Variants in RMDN1 observed in about 807,000 individuals in gnomAD.
The protein encoded by RMDN1 is regulator of microtubule dynamics protein 1.
In RMDN1, 48 loss-of-function variants were observed where a neutral mutation model predicts 48.9. The observed-to-expected ratio is 0.98, with a 90% CI of 0.78 to 1.25. The LOEUF is 1.25. RMDN1 is among the 50% of genes most tolerant of loss of function. The pLI is 0.00. For missense variants in RMDN1, 418 were observed against 373.4 expected (o/e 1.12, Z -0.98); for synonymous variants, 148 against 132.6 (o/e 1.12, Z -0.80).
chr8:86,470,051 T>G (rs1205076226), downstream of RMDN1: 2 of 571,090 alleles, frequency 3.5e-6, no homozygotes, highest in East Asian at 1.4e-4. Context: ...TTGAGATAAC[T>G]TGGCCATCAA....
downstream of RMDN1, among the ~76,000 whole-genome samples, chr8:86,470,885 G>T (rs1430051644): frequency 6.6e-6 from 1 of 152,164 alleles, no homozygotes; most frequent in Admixed American, 6.5e-5. Flanking sequence ...GGAGGAGGTA[G>T]ATGGGTGTGA....
rs1026914855 is a variant in RMDN1 at position 86,508,605 on chromosome 8, G to C, written c.16C>G (p.Arg6Gly). The change falls in exon 1 of 10, where the codon CGA (arginine) becomes GGA (glycine). Residue 6 changes from arginine (R) to glycine (G), a missense_variant. Arg to Gly is a moderately radical substitution (Grantham distance 125, BLOSUM62 -2). Coordinates refer to ENST00000406452, the MANE Select transcript of RMDN1 (RefSeq NM_016033.3). MALAA[R>G]LWRLLPFRRG... is the part of the protein sequence containing the mutation. ...CGGAAAGGCAGAAGGCGCCACAGTC[G>C]AGCAGCCAGCGCCATGACCTGCAAC... is the stretch of plus-strand genomic sequence containing the variant. The C allele has an allele frequency of 6.2e-7, 1 of 1,603,598 alleles. No homozygotes were observed. Among genetic ancestry groups the C allele is most frequent in the South Asian group, 1.1e-5 (1 of 90,452 alleles).
At chr8:86,477,783 GCTA>G (rs1372314315) in intron 7 of RMDN1, among the ~76,000 whole-genome samples, 1 of 151,804 alleles carries the variant, frequency 6.6e-6, no homozygotes, top group Non-Finnish European at 1.5e-5. Context: ...TCCTACTTAA[GCTA>G]CTGTTTTTGT....
intron 8 of RMDN1, among the ~76,000 whole-genome samples, chr8:86,477,078 T>TA (rs1303890919): frequency 6.6e-6 from 1 of 152,196 alleles, no homozygotes; most frequent in Admixed American, 6.5e-5. Context: ...CATCAAATGA[T>TA]AGACATTCCA....
In RMDN1 at chr8:86,474,267, A is replaced by G. The variant is rs1468630469; in HGVS notation, c.*41T>C. 8 of 1,609,410 alleles carry G rather than the reference A, an allele frequency of 5.0e-6. No homozygotes were observed. The highest frequency in any genetic ancestry group is 6.8e-6 in the Non-Finnish European group (8 of 1,178,272). On this transcript the variant is annotated 3_prime_UTR_variant, in exon 10 of 10. Transcript: ENST00000406452. ...TAAGTTTAGAATTAAAAGAAAAGGCAATGTTTATTAGCTATTTCATAAATC... is the reference window on the plus strand; with the variant it reads ...TAAGTTTAGAATTAAAAGAAAAGGCGATGTTTATTAGCTATTTCATAAATC...
intron 1 of RMDN1, 58 bp downstream of exon 1, chr8:86,508,434 G>A (rs773315223): frequency 2.1e-5 from 31 of 1,499,182 alleles, no homozygotes; most frequent in Non-Finnish European, 2.5e-5. Context: ...TAAGTTAAGG[G>A]GGAGCCGGAA....
At chr8:86,501,399 G>A (rs1207050997) in intron 2 of RMDN1, among the ~76,000 whole-genome samples, 1 of 152,150 alleles carries the variant, frequency 6.6e-6, no homozygotes, top group Admixed American at 6.6e-5. Flanking sequence ...GGAGCTGGGT[G>A]TCGTGGCTAA....
upstream of RMDN1, among the ~76,000 whole-genome samples, chr8:86,511,850 A>G (rs1031990531): frequency 1.3e-5 from 2 of 151,996 alleles, no homozygotes; most frequent in Non-Finnish European, 1.5e-5. Flanking sequence ...AAAAAAAGCT[A>G]TAAGACAGGA....
chr8:86,475,996 T>C (rs750334544), intron 8 of RMDN1, among the ~76,000 whole-genome samples: 5 of 152,116 alleles, frequency 3.3e-5, no homozygotes, highest in Non-Finnish European at 5.9e-5. Context: ...TAAATGTTCA[T>C]AGTATTGAGT....
intron 2 of RMDN1, among the ~76,000 whole-genome samples, chr8:86,493,363 T>C (rs894958395): frequency 6.6e-6 from 1 of 152,186 alleles, no homozygotes; most frequent in African/African-American, 2.4e-5. Flanking sequence ...CAAAGAGATA[T>C]TTGTACTGCC....
intron 2 of RMDN1, among the ~76,000 whole-genome samples, chr8:86,498,547 G>A (rs1348694865): frequency 6.6e-6 from 1 of 152,122 alleles, no homozygotes; most frequent in Non-Finnish European, 1.5e-5. Context: ...GGGAAGCTGA[G>A]GTGGACCGAT....
At chr8:86,508,719 C>CCCGCCTCCTCCACAGCACCTCTT (rs1819849650), upstream of RMDN1, 1 of 1,380,544 alleles carries the variant, frequency 7.2e-7, no homozygotes, top group African/African-American at 1.5e-5. Flanking sequence ...ACCGCGCCCG[C>CCCGCCTCCTCCACAGCACCTCTT]CCGCCTCCTG....
At chr8:86,512,518 C>T (rs1820098605), upstream of RMDN1, among the ~76,000 whole-genome samples, 1 of 152,228 alleles carries the variant, frequency 6.6e-6, no homozygotes, top group Non-Finnish European at 1.5e-5. Flanking sequence ...CAAATACCAT[C>T]TTAGAGAGCT....
At chr8:86,480,156 A>C in intron 6 of RMDN1, 121 bp downstream of exon 6, 1 of 522,002 alleles carries the variant, frequency 1.9e-6, no homozygotes, top group Non-Finnish European at 3.4e-6. Context: ...TAGCACTCTA[A>C]GCTCTGTCAG....
At chr8:86,474,569 C>A in intron 9 of RMDN1, 2 of 699,110 alleles carry the variant, frequency 2.9e-6, no homozygotes, top group Admixed American at 2.2e-5. Context: ...AATGTTAACT[C>A]GATCTGCCAT....
chr8:86,482,755 G>T, intron 5 of RMDN1: 1 of 933,574 alleles, frequency 1.1e-6, no homozygotes, highest in Non-Finnish European at 1.8e-6. Context: ...GCCATAACCT[G>T]TGTGCAACAG....
At chr8:86,478,574 T>G (rs1005450076) in intron 7 of RMDN1, among the ~76,000 whole-genome samples, 3 of 152,248 alleles carry the variant, frequency 2.0e-5, no homozygotes, top group African/African-American at 7.2e-5. Context: ...TCTGTTATTG[T>G]GTGTAATACA....
chr8:86,495,334 A>C (rs1007698119), intron 2 of RMDN1, among the ~76,000 whole-genome samples: 7 of 152,160 alleles, frequency 4.6e-5, no homozygotes, highest in African/African-American at 1.7e-4. Context: ...TCCTAGCTGC[A>C]GGAGACCCTA....
At position 86,477,304 on chromosome 8, in the gene RMDN1, C is replaced by T. The variant is rs146063970; in HGVS notation, c.750G>A (p.Arg250=). The change falls in exon 8 of 10, where the codon AGG becomes AGA. Residue 250 remains arginine, a synonymous_variant. Coordinates refer to ENST00000406452, the MANE Select transcript of RMDN1 (RefSeq NM_016033.3). ...TYEKALGYFH[R]AEQVDPNFYS... ...TCAAAAATACCTTACCTTGTTCTGC[C>T]CTGTGAAAGTAGCCTAAGGCCTGTC... is the stretch of plus-strand genomic sequence containing the variant. The T allele has an allele frequency of 2.9e-5, 46 of 1,600,870 alleles. No individual in the cohort carries two copies. The highest frequency in any genetic ancestry group is 4.3e-6 in the Non-Finnish European group (5 of 1,173,570).
Sources: gnomAD v4.1 joint callset for allele counts (sites outside exome capture counted in the v4.1 genomes callset) on GRCh38, gnomAD v4.1.1 for gene constraint, MANE v1.5 for transcripts, NCBI Gene and HGNC (gene_info 2026-07-23, HGNC 2026-07-21) for gene names.